GPR39: variants seen among roughly 807,000 people sequenced by gnomAD.
The protein encoded by GPR39 is G protein-coupled receptor 39.
In GPR39, 23 loss-of-function variants were observed where a neutral mutation model predicts 18.4. That is an observed-to-expected ratio of 1.25 (90% CI 0.90 to 1.77). GPR39 has a LOEUF of 1.77. Among genes scored for constraint, GPR39 ranks in the 40% most tolerant of loss-of-function variants. The pLI, the probability that GPR39 is intolerant of heterozygous loss-of-function variation, is 0.00. For synonymous variants in GPR39, 280 were observed against 257.9 expected, an observed-to-expected ratio of 1.09 and a Z score of -0.82; for missense variants, 647 against 602.4, an observed-to-expected ratio of 1.07 and a Z score of -0.78.
chr2:132,626,316 T>G (rs979201615), intron 1 of GPR39, among the ~76,000 whole-genome samples: 2 of 152,110 alleles, frequency 1.3e-5, no homozygotes, highest in Non-Finnish European at 2.9e-5. Flanking sequence ...GCTGGAATAT[T>G]GGGGTTGGAG....
chr2:132,453,738 G>A (rs1442906278), intron 1 of GPR39, among the ~76,000 whole-genome samples: 1 of 152,010 alleles, frequency 6.6e-6, no homozygotes, highest in Admixed American at 6.6e-5. Flanking sequence ...AAATAGGGAT[G>A]CCCTTTCCCC....
rs1025900904 is a variant in GPR39 at position 132,644,949 on chromosome 2, C to T, written c.857-152C>T. ...TCTCTCTTGCTTGTGGCAAAAGAAG[C>T]TGTCAAGTCCAACACTGAAAAATTG... On this transcript the variant is annotated intron_variant, in intron 1 of 1. Coordinates refer to ENST00000329321, the MANE Select transcript of GPR39 (RefSeq NM_001508.3). 10 of 803,494 alleles carry T rather than the reference C, an allele frequency of 1.2e-5. No individual in the cohort carries two copies. In the African/African-American group the frequency reaches 1.7e-4, roughly 14 times the overall value. The allele number at this position is 803,494 out of a possible 1,614,324, so 49.8% of individuals were successfully genotyped here. A position where few individuals can be genotyped will look rare whatever the true frequency, so the allele number is the denominator to read the frequency against.
chr2:132,545,533 CACTT>C (rs1244981884), intron 1 of GPR39, among the ~76,000 whole-genome samples: 1 of 152,214 alleles, frequency 6.6e-6, no homozygotes, highest in Non-Finnish European at 1.5e-5. Context: ...ACTCACCAAA[CACTT>C]ACTAATGCTA....
rs115828655 is a variant in GPR39 at position 132,503,895 on chromosome 2, A to G, written c.856+85997A>G. On this transcript the variant is annotated intron_variant, in intron 1 of 1. Coordinates refer to ENST00000329321, the MANE Select transcript of GPR39 (RefSeq NM_001508.3). The stretch of plus-strand genomic sequence containing the variant: ...GAACTGGGGGAAAGCTAGCTGTCAT[A>G]GGCCTCACCCTGCTCCAAGCAGCCT... Among the ~76,000 whole-genome samples, 1,332 of 152,304 alleles carry G rather than the reference A, an allele frequency of 8.7e-3. 21 individuals carry two copies. The highest frequency in any genetic ancestry group is 0.031 in the African/African-American group (1,293 of 41,574).
intron 1 of GPR39, among the ~76,000 whole-genome samples, chr2:132,462,420 G>A (rs559986899): frequency 6.6e-6 from 1 of 152,338 alleles, no homozygotes; most frequent in South Asian, 2.1e-4. Flanking sequence ...CCTTTGATAA[G>A]AAGGGTTGTT....
chr2:132,511,534 G>A (rs888634392), intron 1 of GPR39, among the ~76,000 whole-genome samples: 11 of 152,200 alleles, frequency 7.2e-5, no homozygotes, highest in Non-Finnish European at 1.6e-4. Flanking sequence ...GTATGTTAGT[G>A]TGAGTAGGGT....
At chr2:132,639,650 A>C (rs887218322) in intron 1 of GPR39, among the ~76,000 whole-genome samples, 1 of 152,152 alleles carries the variant, frequency 6.6e-6, no homozygotes, top group African/African-American at 2.4e-5. Context: ...AGATAGACAG[A>C]TGGAGTCATT....
chr2:132,465,911 G>T (rs981799376), intron 1 of GPR39, among the ~76,000 whole-genome samples: 1 of 151,972 alleles, frequency 6.6e-6, no homozygotes, highest in Admixed American at 6.6e-5. Context: ...CTTAAACTTG[G>T]GTGATGAAAA....
At chr2:132,622,356 T>G (rs886606233) in intron 1 of GPR39, among the ~76,000 whole-genome samples, 1 of 152,114 alleles carries the variant, frequency 6.6e-6, no homozygotes. Flanking sequence ...ATCGCACCAT[T>G]GCACTCCAGC....
intron 1 of GPR39, chr2:132,604,450 G>A (rs1324131657): frequency 6.6e-6 from 1 of 152,182 alleles, no homozygotes; most frequent in African/African-American, 2.4e-5. Context: ...CATCACACAA[G>A]CCAACAGACC....
chr2:132,497,173 G>T (rs1681657927), intron 1 of GPR39, among the ~76,000 whole-genome samples: 2 of 152,312 alleles, frequency 1.3e-5, no homozygotes, highest in Non-Finnish European at 2.9e-5. Flanking sequence ...CACGTGCAGA[G>T]TGTGAGCCAC....
chr2:132,518,141 A>C (rs1455362662), intron 1 of GPR39, among the ~76,000 whole-genome samples: 3 of 152,242 alleles, frequency 2.0e-5, no homozygotes, highest in Non-Finnish European at 2.9e-5. Flanking sequence ...AAAATATGTT[A>C]TGACCTAGCA....
Position 132,450,839 on chromosome 2 carries a change from A to G in GPR39, c.856+32941A>G, listed in dbSNP as rs1395900249. Among the ~76,000 whole-genome samples, 24 of 152,348 alleles carry G rather than the reference A, an allele frequency of 1.6e-4. No individual in the cohort carries two copies. In the East Asian group the frequency reaches 4.6e-3, roughly 29 times the overall value. ...TCTTCAAATAGCTCCAGCAGACAGC[A>G]GGGTTTTGTTTTTCCTTTATTTAGA... On this transcript the variant is annotated intron_variant, in intron 1 of 1. Coordinates refer to ENST00000329321, the MANE Select transcript of GPR39 (RefSeq NM_001508.3).
At chr2:132,429,764 T>C (rs1680191646) in intron 1 of GPR39, among the ~76,000 whole-genome samples, 1 of 152,216 alleles carries the variant, frequency 6.6e-6, no homozygotes, top group Non-Finnish European at 1.5e-5. Flanking sequence ...TATGTGATTC[T>C]CTGGCCCTCC....
chr2:132,470,107 T>G (rs981413686), intron 1 of GPR39, among the ~76,000 whole-genome samples: 1 of 152,166 alleles, frequency 6.6e-6, no homozygotes, highest in Non-Finnish European at 1.5e-5. Context: ...AGAGCTGTGA[T>G]CACAGGTGGA....
intron 1 of GPR39, among the ~76,000 whole-genome samples, chr2:132,540,440 A>G (rs904216463): frequency 9.9e-5 from 15 of 152,080 alleles, no homozygotes; most frequent in Admixed American, 1.3e-4. Context: ...GAATGTCTCT[A>G]CTGACTCCTT....
intron 1 of GPR39, among the ~76,000 whole-genome samples, chr2:132,538,003 C>T (rs1160546842): frequency 6.6e-6 from 1 of 152,078 alleles, no homozygotes; most frequent in African/African-American, 2.4e-5. Context: ...GCTCCTTTAG[C>T]TCAGCGGAGT....
intron 1 of GPR39, among the ~76,000 whole-genome samples, chr2:132,471,896 G>A (rs1681039581): frequency 6.6e-6 from 1 of 152,144 alleles, no homozygotes; most frequent in Admixed American, 6.5e-5. Context: ...AGCTCTGCAA[G>A]CCAGGCAGAA....
At chr2:132,481,951 C>A (rs1055767482) in intron 1 of GPR39, among the ~76,000 whole-genome samples, 1 of 152,092 alleles carries the variant, frequency 6.6e-6, no homozygotes, top group Admixed American at 6.6e-5. Flanking sequence ...TTATTTAAAC[C>A]CATGATTTTA....
Sources: gnomAD v4.1 joint callset for allele counts (sites outside exome capture counted in the v4.1 genomes callset) on GRCh38, gnomAD v4.1.1 for gene constraint, MANE v1.5 for transcripts, NCBI Gene and HGNC (gene_info 2026-07-23, HGNC 2026-07-21) for gene names.